Variants in SV2C observed in about 807,000 individuals in gnomAD.
SV2C encodes solute carrier family 22 member B3.
Under a neutral mutation model 79.7 loss-of-function variants are expected in SV2C, and 49 were observed. The observed-to-expected ratio is 0.61, with a 90% CI of 0.49 to 0.78. SV2C has a LOEUF of 0.78. Ranked by LOEUF, SV2C falls within the 30% of genes least tolerant of loss-of-function variation. SV2C has a pLI of 0.00. For missense variants in SV2C, 833 were observed against 912.9 expected, an observed-to-expected ratio of 0.91 and a Z score of 1.13; for synonymous variants, 334 against 333.2, an observed-to-expected ratio of 1.00 and a Z score of -0.03.
intron 2 of SV2C, among the ~76,000 whole-genome samples, chr5:76,148,209 T>C (rs767785765): frequency 6.6e-6 from 1 of 152,206 alleles, no homozygotes; most frequent in African/African-American, 2.4e-5. Flanking sequence ...TATGTCACTA[T>C]ATATCTTTTT....
At chr5:75,939,774 C>G in the SV2C span, among the ~76,000 whole-genome samples, 1 of 152,154 alleles carries the variant, frequency 6.6e-6, no homozygotes, top group African/African-American at 2.4e-5. Flanking sequence ...GCCCTCTGCC[C>G]TGCTCTGGCA....
chr5:76,078,932 G>A, upstream of SV2C: 1 of 541,132 alleles, frequency 1.8e-6, no homozygotes, highest in Admixed American at 2.0e-5. Context: ...GAGATCGACA[G>A]CCTTTCAAAC....
At chr5:76,033,747 A>G in the SV2C span, among the ~76,000 whole-genome samples, 2 of 152,140 alleles carry the variant, frequency 1.3e-5, no homozygotes, top group Non-Finnish European at 2.9e-5. Context: ...TTTTGGTTCC[A>G]TATGAACTTT....
intron 4 of SV2C, among the ~76,000 whole-genome samples, chr5:76,212,469 C>CA (rs1379644464): frequency 6.9e-6 from 1 of 143,928 alleles, no homozygotes; most frequent in East Asian, 2.0e-4. Context: ...CTCTCTTTTT[C>CA]TTTTTTTTTT....
chr5:75,908,277 C>A, the SV2C span, among the ~76,000 whole-genome samples: 1 of 152,220 alleles, frequency 6.6e-6, no homozygotes, highest in South Asian at 2.1e-4. Flanking sequence ...GATGGAGTCA[C>A]ATAATATGTT....
At chr5:76,023,411 T>C in the SV2C span, among the ~76,000 whole-genome samples, 1 of 152,138 alleles carries the variant, frequency 6.6e-6, no homozygotes. Flanking sequence ...GTCAATGGTA[T>C]TTGATCCAAG....
the SV2C span, chr5:75,920,539 A>C: frequency 1.1e-5 from 5 of 473,956 alleles, no homozygotes; most frequent in East Asian, 1.5e-4. Context: ...TGGTCACACC[A>C]TCTTGGAATA....
intron 2 of SV2C, among the ~76,000 whole-genome samples, chr5:76,145,149 A>T (rs944048740): frequency 6.6e-6 from 1 of 152,234 alleles, no homozygotes; most frequent in Non-Finnish European, 1.5e-5. Flanking sequence ...GTTTAGGTAC[A>T]TAGCAGAAGA....
At chr5:75,872,563 G>C in the SV2C span, among the ~76,000 whole-genome samples, 32,651 of 151,970 alleles carry the variant, frequency 0.21, 5,961 homozygotes, top group African/African-American at 0.51. Flanking sequence ...AGAAAAAGAT[G>C]CTAGTGAATA....
intron 4 of SV2C, among the ~76,000 whole-genome samples, chr5:76,279,053 T>C (rs1174394294): frequency 1.3e-5 from 2 of 151,982 alleles, no homozygotes; most frequent in African/African-American, 2.4e-5. Flanking sequence ...ACATTGGGGA[T>C]TGTGAGGGAA....
chr5:76,015,032 C>G, the SV2C span, among the ~76,000 whole-genome samples: 1 of 152,142 alleles, frequency 6.6e-6, no homozygotes, highest in South Asian at 2.1e-4. Context: ...ATATAATTTT[C>G]CAGTTTCCCT....
chr5:76,114,462 C>T (rs1748198256), intron 1 of SV2C, among the ~76,000 whole-genome samples: 1 of 152,224 alleles, frequency 6.6e-6, no homozygotes, highest in Non-Finnish European at 1.5e-5. Context: ...TCTGTTTCCT[C>T]CTCTTGTTGA....
intron 4 of SV2C, among the ~76,000 whole-genome samples, chr5:76,262,588 A>G (rs1339982731): frequency 6.6e-6 from 1 of 152,188 alleles, no homozygotes; most frequent in African/African-American, 2.4e-5. Context: ...ATTTCCCTCT[A>G]AACACTGCTT....
the SV2C span, among the ~76,000 whole-genome samples, chr5:75,852,825 C>CAAAAAA: frequency 8.9e-4 from 72 of 81,128 alleles, 2 homozygotes; most frequent in African/African-American, 2.8e-3. Flanking sequence ...GACTCCGTCT[C>CAAAAAA]AAAAAAAAAA....
the SV2C span, among the ~76,000 whole-genome samples, chr5:76,050,593 ACT>A: frequency 6.8e-6 from 1 of 146,604 alleles, no homozygotes; most frequent in African/African-American, 2.7e-5. Flanking sequence ...TCTCTCTTTC[ACT>A]CTCTCTCTTT....
the SV2C span, among the ~76,000 whole-genome samples, chr5:75,969,241 T>G: frequency 6.6e-6 from 1 of 152,122 alleles, no homozygotes; most frequent in African/African-American, 2.4e-5. Context: ...GTAAAGACCA[T>G]CAAGCCTAGG....
intron 12 of SV2C, among the ~76,000 whole-genome samples, chr5:76,313,824 AT>A (rs1748535332): frequency 6.6e-6 from 1 of 152,180 alleles, no homozygotes; most frequent in African/African-American, 2.4e-5. Flanking sequence ...ATCATTGCTT[AT>A]ACAGAACAGC....
chr5:76,281,436 G>C (rs1393096000), intron 4 of SV2C, among the ~76,000 whole-genome samples: 2 of 150,808 alleles, frequency 1.3e-5, no homozygotes, highest in East Asian at 3.9e-4. Context: ...AAGTTTTATA[G>C]AGAATGCTAC....
At chr5:75,879,278 C>A in the SV2C span, among the ~76,000 whole-genome samples, 1 of 152,124 alleles carries the variant, frequency 6.6e-6, no homozygotes, top group Non-Finnish European at 1.5e-5. Context: ...CCAACTGTCC[C>A]CTAAAGTCTC....
Sources: allele counts gnomAD v4.1 joint callset (sites outside exome capture counted in the v4.1 genomes callset), GRCh38; gene constraint gnomAD v4.1.1; transcripts MANE v1.5; gene names NCBI Gene and HGNC (gene_info 2026-07-23, HGNC 2026-07-21).